Variants in LRRTM4 observed in about 807,000 individuals in gnomAD.
The protein encoded by LRRTM4 is leucine-rich repeat transmembrane neuronal protein 4.
In LRRTM4, 25 loss-of-function variants were observed where a neutral mutation model predicts 47.6. The ratio of observed to expected loss-of-function variants is 0.53; its 90% CI spans 0.38 to 0.73. The LOEUF is 0.73. Among genes scored for constraint, LRRTM4 ranks in the 30% least tolerant of loss-of-function variants. The probability of loss-of-function intolerance (pLI) is 0.00; values close to 1 mark genes in which losing one functional copy is unlikely to be tolerated. For missense variants in LRRTM4, 638 were observed against 713.4 expected (o/e 0.89, Z 1.20); for synonymous variants, 311 against 269.5 (o/e 1.15, Z -1.51).
intron 3 of LRRTM4, among the ~76,000 whole-genome samples, chr2:77,411,203 G>C (rs1365892133): frequency 6.6e-6 from 1 of 152,068 alleles, no homozygotes; most frequent in African/African-American, 2.4e-5. Context: ...TCACACAAGA[G>C]TCCACTGGCA....
At chr2:76,757,001 T>G (rs1250333944) in intron 3 of LRRTM4, among the ~76,000 whole-genome samples, 1 of 152,158 alleles carries the variant, frequency 6.6e-6, no homozygotes, top group Non-Finnish European at 1.5e-5. Flanking sequence ...AAAAATAATC[T>G]AATTTATGGA....
chr2:76,934,614 C>T (rs1306664321), intron 3 of LRRTM4, among the ~76,000 whole-genome samples: 1 of 152,112 alleles, frequency 6.6e-6, no homozygotes, highest in Non-Finnish European at 1.5e-5. Flanking sequence ...CCACCGTGGC[C>T]AATTTCAAGG....
intron 3 of LRRTM4, among the ~76,000 whole-genome samples, chr2:77,093,172 T>G (rs1262996614): frequency 2.7e-5 from 4 of 148,510 alleles, no homozygotes; most frequent in African/African-American, 1.0e-4. Flanking sequence ...CCTGCTCTTG[T>G]TTACACTGCC....
intron 3 of LRRTM4, among the ~76,000 whole-genome samples, chr2:77,475,038 A>T (rs1387157989): frequency 1.3e-5 from 2 of 152,136 alleles, no homozygotes; most frequent in African/African-American, 4.8e-5. Flanking sequence ...TATATTGTAG[A>T]CAACTGACTT....
chr2:77,121,855 A>G (rs1225415569), intron 3 of LRRTM4, among the ~76,000 whole-genome samples: 1 of 151,860 alleles, frequency 6.6e-6, no homozygotes, highest in African/African-American at 2.4e-5. Context: ...GTGACCTCCC[A>G]TTGCAATGTG....
intron 3 of LRRTM4, among the ~76,000 whole-genome samples, chr2:77,056,901 T>C (rs1356377243): frequency 6.6e-6 from 1 of 152,198 alleles, no homozygotes; most frequent in African/African-American, 2.4e-5. Flanking sequence ...AGCCCAAGAT[T>C]TTTTCATACA....
chr2:76,802,597 T>C (rs1221111124), intron 3 of LRRTM4, among the ~76,000 whole-genome samples: 1 of 152,004 alleles, frequency 6.6e-6, no homozygotes, highest in Non-Finnish European at 1.5e-5. Context: ...TTTCACATAA[T>C]AGGAAACAGA....
chr2:77,253,662 C>T (rs546064244), intron 3 of LRRTM4, among the ~76,000 whole-genome samples: 1 of 151,712 alleles, frequency 6.6e-6, no homozygotes, highest in African/African-American at 2.4e-5. Flanking sequence ...TTTAAATTGT[C>T]CAACATAAAT....
At chr2:77,335,609 G>A (rs1333616187) in intron 3 of LRRTM4, among the ~76,000 whole-genome samples, 1 of 152,094 alleles carries the variant, frequency 6.6e-6, no homozygotes, top group East Asian at 1.9e-4. Context: ...CTTGCATGCA[G>A]CATAAATAAT....
chr2:77,121,128 G>A (rs1572982137), intron 3 of LRRTM4, among the ~76,000 whole-genome samples: 3 of 151,698 alleles, frequency 2.0e-5, no homozygotes, highest in Non-Finnish European at 4.4e-5. Context: ...TTTTTTGGGG[G>A]AATAGGGAGA....
At chr2:77,184,533 C>G (rs1673445428) in intron 3 of LRRTM4, among the ~76,000 whole-genome samples, 2 of 152,132 alleles carry the variant, frequency 1.3e-5, no homozygotes, top group Non-Finnish European at 2.9e-5. Flanking sequence ...CTGCCCTGCT[C>G]TGCAAATGTC....
At chr2:77,212,492 G>A (rs1392684763) in intron 3 of LRRTM4, among the ~76,000 whole-genome samples, 2 of 149,388 alleles carry the variant, frequency 1.3e-5, no homozygotes, top group Non-Finnish European at 3.0e-5. Flanking sequence ...GAGAGAGAGA[G>A]AGCGAGAGAG....
intron 3 of LRRTM4, among the ~76,000 whole-genome samples, chr2:77,422,646 A>G (rs1674947068): frequency 6.6e-6 from 1 of 152,168 alleles, no homozygotes; most frequent in African/African-American, 2.4e-5. Context: ...GATATTGAGA[A>G]ACTATTTAGG....
At chr2:77,239,253 G>A (rs1349001741) in intron 3 of LRRTM4, among the ~76,000 whole-genome samples, 2 of 151,868 alleles carry the variant, frequency 1.3e-5, no homozygotes, top group African/African-American at 4.8e-5. Flanking sequence ...ACTACATGGA[G>A]CTTAATATTA....
At chr2:76,786,008 A>G (rs1674651823) in intron 3 of LRRTM4, among the ~76,000 whole-genome samples, 1 of 152,168 alleles carries the variant, frequency 6.6e-6, no homozygotes, top group Non-Finnish European at 1.5e-5. Flanking sequence ...AATGATACCT[A>G]GCTGCTCCTA....
At chr2:77,110,470 A>C (rs1671220319) in intron 3 of LRRTM4, among the ~76,000 whole-genome samples, 1 of 152,220 alleles carries the variant, frequency 6.6e-6, no homozygotes, top group Non-Finnish European at 1.5e-5. Flanking sequence ...GTTGAAATTT[A>C]TGCAAACATA....
At chr2:77,010,254 G>A (rs867381138) in intron 3 of LRRTM4, among the ~76,000 whole-genome samples, 1 of 151,886 alleles carries the variant, frequency 6.6e-6, no homozygotes, top group East Asian at 1.9e-4. Flanking sequence ...GTGTGTAACT[G>A]AATATTTGTG....
chr2:77,086,798 A>G (rs1680732199), intron 3 of LRRTM4, among the ~76,000 whole-genome samples: 1 of 152,058 alleles, frequency 6.6e-6, no homozygotes, highest in African/African-American at 2.4e-5. Flanking sequence ...CCCGGCCTAT[A>G]TGTAATAATT....
intron 3 of LRRTM4, among the ~76,000 whole-genome samples, chr2:76,818,179 A>G (rs1573163001): frequency 6.6e-6 from 1 of 151,938 alleles, no homozygotes; most frequent in Non-Finnish European, 1.5e-5. Flanking sequence ...GATAAGTATT[A>G]TCTCAAAAAT....
Sources: gnomAD v4.1 joint callset for allele counts (sites outside exome capture counted in the v4.1 genomes callset) on GRCh38, gnomAD v4.1.1 for gene constraint, MANE v1.5 for transcripts, NCBI Gene and HGNC (gene_info 2026-07-23, HGNC 2026-07-21) for gene names.